PTPRR: variants seen among roughly 807,000 people sequenced by gnomAD.
PTPRR encodes protein tyrosine phosphatase receptor type R.
Under a neutral mutation model 77.2 loss-of-function variants are expected in PTPRR, and 38 were observed. The ratio of observed to expected loss-of-function variants is 0.49; its 90% confidence interval spans 0.38 to 0.65. The LOEUF is 0.65. Ranked by LOEUF, PTPRR falls within the 30% of genes least tolerant of loss-of-function variation. The pLI is 0.00. For missense variants in PTPRR, 744 were observed against 799.2 expected, an observed-to-expected ratio of 0.93 and a Z score of 0.83; for synonymous variants, 299 against 283.1, an observed-to-expected ratio of 1.06 and a Z score of -0.57.
At chr12:70,730,958 A>AGAGAGAGGAAGTGAGGAGGAAG (rs1592713187) in intron 6 of PTPRR, among the ~76,000 whole-genome samples, 1 of 149,238 alleles carries the variant, frequency 6.7e-6, no homozygotes, top group Non-Finnish European at 1.5e-5. Context: ...GAGAGAGGAA[A>AGAGAGAGGAAGTGAGGAGGAAG]GAGAGAGGAA....
At chr12:70,854,496 T>A (rs1892621264) in intron 2 of PTPRR, among the ~76,000 whole-genome samples, 1 of 152,254 alleles carries the variant, frequency 6.6e-6, no homozygotes, top group Non-Finnish European at 1.5e-5. Context: ...GTATGCTTAG[T>A]GTTGCACATG....
chr12:70,813,752 G>A (rs752619143), intron 2 of PTPRR, among the ~76,000 whole-genome samples: 4 of 152,160 alleles, frequency 2.6e-5, no homozygotes, highest in Non-Finnish European at 4.4e-5. Flanking sequence ...AATTCAAAGA[G>A]GCCAAGGAGG....
chr12:70,694,815 A>G (rs1888174669), intron 8 of PTPRR, among the ~76,000 whole-genome samples: 1 of 152,168 alleles, frequency 6.6e-6, no homozygotes. Flanking sequence ...AGTAAAAATA[A>G]AAAATTTAAA....
chr12:70,705,509 T>TGGAA (rs67287815), intron 6 of PTPRR, among the ~76,000 whole-genome samples: 54,569 of 151,436 alleles, frequency 0.36, 10,095 homozygotes, highest in South Asian at 0.48. Flanking sequence ...AGAATGGAAA[T>TGGAA]GGAAGAGGAC....
At chr12:70,725,621 A>G (rs1411162501) in intron 6 of PTPRR, among the ~76,000 whole-genome samples, 2 of 152,196 alleles carry the variant, frequency 1.3e-5, no homozygotes, top group African/African-American at 2.4e-5. Context: ...CCGAGAGCCA[A>G]CTTAGGTGAG....
chr12:70,655,968 T>C (rs981069155), intron 13 of PTPRR, among the ~76,000 whole-genome samples: 2 of 152,184 alleles, frequency 1.3e-5, no homozygotes, highest in African/African-American at 4.8e-5. Flanking sequence ...TCCCAGCACT[T>C]TGGGAGGCCA....
At chr12:70,878,098 T>C (rs1196366011) in intron 2 of PTPRR, among the ~76,000 whole-genome samples, 1 of 152,096 alleles carries the variant, frequency 6.6e-6, no homozygotes, top group Non-Finnish European at 1.5e-5. Flanking sequence ...CAAAAATTAA[T>C]TCAAGATGGA....
chr12:70,837,677 G>A (rs1892327813), intron 2 of PTPRR, among the ~76,000 whole-genome samples: 1 of 152,110 alleles, frequency 6.6e-6, no homozygotes. Context: ...ACCTCCACAT[G>A]TTCAGCTTTC....
At position 70,746,167 on chromosome 12, in the gene PTPRR, C is replaced by T. The variant is rs576947464; in HGVS notation, c.739-81G>A. 183 of 1,321,406 alleles carry T rather than the reference C, an allele frequency of 1.4e-4. 1 individual carries two copies. The African/African-American group carries it at 2.2e-3, about 16-fold the overall frequency. The allele number at this position is 1,321,406 out of a possible 1,614,324, so 81.9% of individuals were successfully genotyped here. The stretch of plus-strand genomic sequence containing the variant: ...ATGATCTCCTCCACCCCACCCTGGC[C>T]GACAAACCAAAATAAAGGCTTAACG... On this transcript the variant is annotated intron_variant, in intron 5 of 13. Coordinates refer to ENST00000283228, the MANE Select transcript of PTPRR (RefSeq NM_002849.4).
intron 6 of PTPRR, among the ~76,000 whole-genome samples, chr12:70,718,211 T>C (rs919418154): frequency 3.3e-5 from 5 of 152,176 alleles, no homozygotes; most frequent in African/African-American, 9.7e-5. Flanking sequence ...TGTATAGATT[T>C]AACACTGGAA....
At chr12:70,769,330 A>G (rs1890910115) in intron 2 of PTPRR, among the ~76,000 whole-genome samples, 1 of 151,064 alleles carries the variant, frequency 6.6e-6, no homozygotes, top group African/African-American at 2.4e-5. Flanking sequence ...TACAAAATCA[A>G]TGTACAAAAA....
rs150896956 is a variant in PTPRR, at chr12:70,758,296, G to A, written c.627+3175C>T. On this transcript the variant is annotated intron_variant, in intron 4 of 13. Transcript: ENST00000283228. Reference sequence around the variant, plus strand: ...TTGTGAGCTAGTAGCTCTGTGAGAGGCCATTAAGCTAAGTACCTCACCTTC... The same window carrying A: ...TTGTGAGCTAGTAGCTCTGTGAGAGACCATTAAGCTAAGTACCTCACCTTC... Among the ~76,000 whole-genome samples, 219 of 152,152 alleles carry A rather than the reference G, an allele frequency of 1.4e-3. 1 individual carries two copies. Among genetic ancestry groups the A allele is most frequent in the Non-Finnish European group, 2.5e-3 (169 of 68,010 alleles).
At chr12:70,818,752 T>G (rs1403553257) in intron 2 of PTPRR, among the ~76,000 whole-genome samples, 1 of 152,114 alleles carries the variant, frequency 6.6e-6, no homozygotes, top group African/African-American at 2.4e-5. Context: ...TTTAAGATAT[T>G]TATATTAAAG....
In PTPRR at chr12:70,639,216, C is replaced by T. The variant is rs1885895523; in HGVS notation, c.1942G>A (p.Glu648Lys). The change falls in exon 14 of 14, where the codon GAG (glutamate) becomes AAG (lysine). Residue 648 changes from glutamate (E) to lysine (K), a missense_variant. Coordinates refer to ENST00000283228, the MANE Select transcript of PTPRR (RefSeq NM_002849.4). ...EFVHHALCLY[E>K]SRLSAETVQ Reference sequence around the variant, plus strand: ...ACAGTCTCTGCTGAAAGTCTGCTCTCATACAGGCACAGAGCATGGTGCACA... The same window carrying T: ...ACAGTCTCTGCTGAAAGTCTGCTCTTATACAGGCACAGAGCATGGTGCACA... The T allele has an allele frequency of 1.2e-6, 2 of 1,613,390 alleles. No individual in the cohort carries two copies. The highest frequency in any genetic ancestry group is 1.1e-5 in the South Asian group (1 of 91,086).
intron 2 of PTPRR, among the ~76,000 whole-genome samples, chr12:70,855,031 T>A (rs1892629938): frequency 6.6e-6 from 1 of 152,138 alleles, no homozygotes; most frequent in Non-Finnish European, 1.5e-5. Flanking sequence ...GAAGAGTGCA[T>A]AGTTTGCCTA....
chr12:70,740,680 A>C (rs1424336244), intron 6 of PTPRR, among the ~76,000 whole-genome samples: 1 of 152,172 alleles, frequency 6.6e-6, no homozygotes, highest in Non-Finnish European at 1.5e-5. Flanking sequence ...GATTAATGAT[A>C]TCAAAGTGAT....
chr12:70,757,103 A>G (rs1890581455), intron 4 of PTPRR, among the ~76,000 whole-genome samples: 1 of 152,206 alleles, frequency 6.6e-6, no homozygotes, highest in South Asian at 2.1e-4. Flanking sequence ...CTGTATGGCT[A>G]GGTCTACACT....
intron 2 of PTPRR, among the ~76,000 whole-genome samples, chr12:70,861,023 G>A (rs1445738250): frequency 6.6e-6 from 1 of 152,098 alleles, no homozygotes; most frequent in Non-Finnish European, 1.5e-5. Flanking sequence ...TGGAATAAAA[G>A]CAGGGATTTT....
chr12:70,642,370 T>C (rs1886036333), intron 13 of PTPRR, among the ~76,000 whole-genome samples: 1 of 152,228 alleles, frequency 6.6e-6, no homozygotes, highest in African/African-American at 2.4e-5. Flanking sequence ...ATGCTCTTGT[T>C]TACTGGATCA....
Sources: gnomAD v4.1 joint callset for allele counts (sites outside exome capture counted in the v4.1 genomes callset) on GRCh38, gnomAD v4.1.1 for gene constraint, MANE v1.5 for transcripts, NCBI Gene and HGNC (gene_info 2026-07-23, HGNC 2026-07-21) for gene names.